The following CDH23 variants were observed in gnomAD, a reference collection of about 807,000 sequenced individuals.
CDH23 encodes cadherin-23.
A neutral mutation model predicts 317.1 loss-of-function variants in CDH23; 189 were observed. The observed-to-expected ratio is 0.60, with a 90% CI of 0.53 to 0.67. The LOEUF (loss-of-function observed/expected upper bound fraction) is 0.67. CDH23 is among the 30% of genes least tolerant of loss of function. The probability of loss-of-function intolerance (pLI) is 0.00; values close to 1 mark genes in which losing one functional copy is unlikely to be tolerated. For missense variants in CDH23, 4,401 were observed against 4,592.4 expected, an observed-to-expected ratio of 0.96 and a Z score of 1.20; for synonymous variants, 1,839 against 1,876.8, an observed-to-expected ratio of 0.98 and a Z score of 0.52.
chr10:71,419,140 C>T (rs947768155), intron 1 of CDH23, among the ~76,000 whole-genome samples: 3 of 152,186 alleles, frequency 2.0e-5, no homozygotes, highest in African/African-American at 7.2e-5. Flanking sequence ...CAGCCACCCA[C>T]TTCCTCTCCC....
At chr10:71,675,903 CTTTT>C (rs66656163) in intron 15 of CDH23, among the ~76,000 whole-genome samples, 1 of 120,878 alleles carries the variant, frequency 8.3e-6, no homozygotes, top group Non-Finnish European at 1.7e-5. Flanking sequence ...AGCCCTCTAA[CTTTT>C]TTTTTTTTTT....
chr10:71,664,471 C>T (rs1313885695), intron 14 of CDH23, among the ~76,000 whole-genome samples: 1 of 152,196 alleles, frequency 6.6e-6, no homozygotes, highest in Non-Finnish European at 1.5e-5. Flanking sequence ...CAGGGCTTAG[C>T]ACCACTTCCG....
chr10:71,799,442 C>T, intron 51 of CDH23, 50 bp from the exon 52 acceptor site: 1 of 1,613,004 alleles, frequency 6.2e-7, no homozygotes, highest in South Asian at 1.1e-5. Context: ...TGTGCTCGGG[C>T]TCTGGGACTG....
chr10:71,452,214 T>C (rs948526639), intron 3 of CDH23, among the ~76,000 whole-genome samples: 3 of 152,118 alleles, frequency 2.0e-5, no homozygotes, highest in African/African-American at 4.8e-5. Flanking sequence ...GAAGCCTGGC[T>C]TGGAGACACC....
Position 71,788,988 on chromosome 10 carries a change from C to A in CDH23, c.5869C>A (p.Pro1957Thr). 2 of 1,605,714 alleles carry A rather than the reference C, an allele frequency of 1.2e-6. No homozygotes were observed. Among genetic ancestry groups the A allele is most frequent in the Non-Finnish European group, 1.7e-6 (2 of 1,172,400 alleles). ...IFLSDENDNH[P>T]LFTKSTYQAE... ...CCTTTCTGATGAGAATGACAACCAC[C>A]CCCTCTTCACTAAAAGCACCTACCA... Residue 1957 changes from proline (P) to threonine (T), a missense_variant, in exon 45 of 70, where the codon CCC (proline) becomes ACC (threonine). Coordinates refer to ENST00000224721, the MANE Select transcript of CDH23 (RefSeq NM_022124.6).
chr10:71,779,315 C>T lies in CDH23; in HGVS notation c.5236C>T (p.Arg1746Trp), dbSNP rs201763918. The change falls in exon 41 of 70, where the codon CGG becomes TGG. Residue 1746 changes from arginine (R) to tryptophan (W), a missense_variant. Physicochemically the swap from Arg to Trp is moderately radical, Grantham distance 101. Around this residue, in one of 3 missense-constraint regions of CDH23, gnomAD observed 3,068 missense variants for 3,203.3 expected, o/e 0.96. Coordinates refer to ENST00000224721, the MANE Select transcript of CDH23 (RefSeq NM_022124.6). ...DINDNVPTFP[R>W]DYEGPFEVTE... ...CAACGACAATGTGCCTACCTTCCCCCGGGACTATGAGGGACCATTTGAAGT... is the reference window on the plus strand; with the variant it reads ...CAACGACAATGTGCCTACCTTCCCCTGGGACTATGAGGGACCATTTGAAGT... 253 of 1,614,008 alleles carry T rather than the reference C, an allele frequency of 1.6e-4. No homozygotes were observed. In the Middle Eastern group the frequency reaches 2.1e-3, roughly 14 times the overall value.
chr10:71,632,130 T>C (rs537281940), intron 11 of CDH23, among the ~76,000 whole-genome samples: 2 of 152,292 alleles, frequency 1.3e-5, no homozygotes, highest in South Asian at 2.1e-4. Context: ...CTTTACAACA[T>C]GTTAATTAAG....
At chr10:71,404,408 C>T (rs1848001289) in intron 1 of CDH23, among the ~76,000 whole-genome samples, 1 of 152,254 alleles carries the variant, frequency 6.6e-6, no homozygotes, top group South Asian at 2.1e-4. Context: ...CGACCATTCC[C>T]TATTGCCTCA....
At chr10:71,678,561 G>A (rs1235177359) in intron 16 of CDH23, among the ~76,000 whole-genome samples, 1 of 152,214 alleles carries the variant, frequency 6.6e-6, no homozygotes, top group East Asian at 1.9e-4. Flanking sequence ...GGAAGGGTGA[G>A]CACAGGGGAT....
At chr10:71,441,263 A>G (rs527678795) in intron 2 of CDH23, among the ~76,000 whole-genome samples, 1 of 151,850 alleles carries the variant, frequency 6.6e-6, no homozygotes, top group Non-Finnish European at 1.5e-5. Flanking sequence ...CCCCTGCCTC[A>G]TGTGGGAGGC....
intron 16 of CDH23, 51 bp downstream of exon 16, chr10:71,677,744 C>A: frequency 7.1e-7 from 1 of 1,408,968 alleles, no homozygotes; most frequent in Non-Finnish European, 9.8e-7. Flanking sequence ...AGCCTTCTCC[C>A]TGTACTTGCT....
At chr10:71,714,254 T>C (rs1337868456) in intron 28 of CDH23, 3 of 151,956 alleles carry the variant, frequency 2.0e-5, no homozygotes, top group Non-Finnish European at 4.4e-5. Context: ...TGAGGCTCTG[T>C]GTTATGCCAG....
rs770807180 is a variant in CDH23 at position 71,803,289 on chromosome 10, G to A, written c.7741G>A (p.Val2581Met). 2.3e-5 allele frequency: 36 copies of A among 1,590,376 alleles called. 1 individual carries two copies. The highest frequency in any genetic ancestry group is 1.4e-4 in the East Asian group (6 of 43,390). Residue 2581 changes from valine (V) to methionine (M), a missense_variant, in exon 55 of 70, where the codon GTG becomes ATG. Transcript: ENST00000224721. Reference sequence around the variant, plus strand: ...GTCCTACGAGAAGTTCAGTCTGACCGTGGTGGCCACAGATGGTGGAGAGCC... The same window carrying A: ...GTCCTACGAGAAGTTCAGTCTGACCATGGTGGCCACAGATGGTGGAGAGCC... ...LQSYEKFSLT[V>M]VATDGGEPPL...
chr10:71,678,942 TAAG>T (rs1864490231), intron 16 of CDH23, among the ~76,000 whole-genome samples: 1 of 151,850 alleles, frequency 6.6e-6, no homozygotes, highest in African/African-American at 2.4e-5. Context: ...AGAAATTAGA[TAAG>T]AAATTACCAC....
At chr10:71,483,890 C>T (rs895964500) in intron 3 of CDH23, among the ~76,000 whole-genome samples, 1 of 152,170 alleles carries the variant, frequency 6.6e-6, no homozygotes. Flanking sequence ...CACTCTCCCC[C>T]CACACACATG....
intron 1 of CDH23, among the ~76,000 whole-genome samples, chr10:71,419,766 C>T (rs565222726): frequency 6.6e-6 from 1 of 152,324 alleles, no homozygotes; most frequent in Non-Finnish European, 1.5e-5. Flanking sequence ...GTAAACACCT[C>T]AGCATGTGTA....
chr10:71,679,670 G>A (rs374689854), intron 17 of CDH23, among the ~76,000 whole-genome samples, 178 bp downstream of exon 17: 6 of 152,340 alleles, frequency 3.9e-5, no homozygotes, highest in Admixed American at 6.5e-5. Flanking sequence ...TCGCCCTTCC[G>A]TAGGGTCAAC....
At chr10:71,730,653 T>TC in intron 31 of CDH23, 49 bp downstream of exon 31, 1 of 1,607,548 alleles carries the variant, frequency 6.2e-7, no homozygotes, top group Non-Finnish European at 8.5e-7. Flanking sequence ...AGAGCAAACC[T>TC]CCCCAGCTCA....
chr10:71,496,391 G>A (rs1852970254), intron 3 of CDH23, among the ~76,000 whole-genome samples: 2 of 151,842 alleles, frequency 1.3e-5, no homozygotes, highest in Admixed American at 6.6e-5. Flanking sequence ...TGCCTGGGGT[G>A]CCCCCATTGT....
Sources: gnomAD v4.1 joint callset for allele counts (sites outside exome capture counted in the v4.1 genomes callset) on GRCh38, gnomAD v4.1.1 for gene constraint, gnomAD v4.1.1 regional missense constraint, MANE v1.5 for transcripts, NCBI Gene and HGNC (gene_info 2026-07-23, HGNC 2026-07-21) for gene names.